Variants in LARP4B observed in about 807,000 individuals in gnomAD.
The protein encoded by LARP4B is la-related protein 4B.
Under a neutral mutation model 89.8 loss-of-function variants are expected in LARP4B, and 12 were observed. That is an observed-to-expected ratio of 0.13 (90% CI 0.09 to 0.22). The LOEUF is 0.22. Ranked by LOEUF, LARP4B falls within the 10% of genes least tolerant of loss-of-function variation. LARP4B has a pLI of 1.00. For missense variants in LARP4B, 757 were observed against 947.7 expected, an observed-to-expected ratio of 0.80 and a Z score of 2.64; for synonymous variants, 367 against 363.3, an observed-to-expected ratio of 1.01 and a Z score of -0.12.
chr10:927,204 G>A (rs1045682735), intron 1 of LARP4B, among the ~76,000 whole-genome samples: 1 of 152,166 alleles, frequency 6.6e-6, no homozygotes, highest in Non-Finnish European at 1.5e-5. Context: ...TAGGAGCCAT[G>A]ACAGCTTCAC....
chr10:914,496 C>CAA (rs540188912), intron 1 of LARP4B, among the ~76,000 whole-genome samples: 8 of 112,308 alleles, frequency 7.1e-5, no homozygotes, highest in African/African-American at 1.7e-4. Context: ...AAGACTCAGC[C>CAA]AAAAAAAAAA....
intron 5 of LARP4B, among the ~76,000 whole-genome samples, chr10:850,744 A>T (rs1022214908): frequency 2.0e-5 from 3 of 152,204 alleles, no homozygotes; most frequent in African/African-American, 7.2e-5. Flanking sequence ...AATATATTTA[A>T]AGAAATTCAA....
chr10:872,320 T>C (rs1316603614), intron 3 of LARP4B, among the ~76,000 whole-genome samples: 1 of 152,108 alleles, frequency 6.6e-6, no homozygotes, highest in Non-Finnish European at 1.5e-5. Flanking sequence ...AAGGCGAGAG[T>C]TCTTCCTGCC....
intron 1 of LARP4B, among the ~76,000 whole-genome samples, chr10:900,556 T>C (rs1836313010): frequency 7.2e-6 from 1 of 138,624 alleles, no homozygotes; most frequent in African/African-American, 2.7e-5. Context: ...CTGCTTCAGC[T>C]CCCCAGGTAG....
the LARP4B span, among the ~76,000 whole-genome samples, chr10:939,749 T>G: frequency 1.3e-5 from 2 of 152,222 alleles, no homozygotes; most frequent in East Asian, 3.9e-4. Context: ...GGATTGGATG[T>G]TTCAGGAAGA....
At chr10:909,017 A>T (rs6560859) in intron 1 of LARP4B, among the ~76,000 whole-genome samples, 3 of 151,936 alleles carry the variant, frequency 2.0e-5, no homozygotes, top group Admixed American at 6.5e-5. Context: ...AGTTGCGGCC[A>T]GGCGCGGTGG....
Position 876,632 on chromosome 10 carries a change from G to A in LARP4B, c.141+7815C>T, listed in dbSNP as rs557298915. Among the ~76,000 whole-genome samples the A allele has an allele frequency of 1.1e-4, 17 of 152,286 alleles. 1 individual carries two copies. The South Asian group carries it at 3.3e-3, about 30-fold the overall frequency. On this transcript the variant is annotated intron_variant, in intron 3 of 17. Transcript: ENST00000316157. ...TCAGTCCACCCAGCAGCTGTCAGGG[G>A]TTGGAGTCTCCTGCCCACAGCTCTC...
intron 1 of LARP4B, among the ~76,000 whole-genome samples, chr10:894,161 C>A (rs1416915611): frequency 6.6e-6 from 1 of 152,168 alleles, no homozygotes; most frequent in Non-Finnish European, 1.5e-5. Context: ...TTGACTGAAG[C>A]TATTTTTCAG....
chr10:933,463 G>A (rs1363638115), upstream of LARP4B, among the ~76,000 whole-genome samples: 5 of 152,168 alleles, frequency 3.3e-5, no homozygotes, highest in Admixed American at 3.3e-4. Flanking sequence ...CATTTTGGAA[G>A]AAAGCCTCTC....
At chr10:980,182 G>T in the LARP4B span, among the ~76,000 whole-genome samples, 4 of 152,196 alleles carry the variant, frequency 2.6e-5, no homozygotes, top group African/African-American at 9.6e-5. Flanking sequence ...AAGGCCTTGG[G>T]CAGCTCTGCC....
intron 1 of LARP4B, among the ~76,000 whole-genome samples, chr10:904,477 CTGGGGGGCGGAGGGT>C (rs1798304312): frequency 1.4e-5 from 2 of 147,056 alleles, no homozygotes; most frequent in South Asian, 4.3e-4. Flanking sequence ...TCACTTGAGC[CTGGGGGGCGGAGGGT>C]TGGGGGGGCA....
intron 5 of LARP4B, among the ~76,000 whole-genome samples, chr10:851,971 C>T (rs76850376): frequency 6.6e-6 from 1 of 152,048 alleles, no homozygotes; most frequent in Non-Finnish European, 1.5e-5. Context: ...GAGGCTAAGG[C>T]GGGAGAATCG....
rs1011504894 is a variant in LARP4B, at chr10:810,074, A to T, written c.*2852T>A. On this transcript the variant is annotated 3_prime_UTR_variant, in exon 18 of 18. Coordinates refer to ENST00000316157, the MANE Select transcript of LARP4B (RefSeq NM_015155.3). The stretch of plus-strand genomic sequence containing the variant: ...TTTATTCTTCTATTTCAAAATGATA[A>T]GCATCATCACACGATTTTACAAGTT... 1.3e-5 allele frequency: 2 copies of T among 152,176 alleles called. No homozygotes were observed. The highest frequency in any genetic ancestry group is 4.8e-5 in the African/African-American group (2 of 41,442). The allele number at this position is 152,176 out of a possible 1,614,324, so 9.4% of individuals were successfully genotyped here.
chr10:947,016 C>G, the LARP4B span, among the ~76,000 whole-genome samples: 2 of 152,056 alleles, frequency 1.3e-5, no homozygotes, highest in Non-Finnish European at 2.9e-5. Flanking sequence ...ATTACAGGTG[C>G]ATGCCACCAC....
At chr10:862,844 C>G (rs1430952894) in intron 5 of LARP4B, among the ~76,000 whole-genome samples, 1 of 152,148 alleles carries the variant, frequency 6.6e-6, no homozygotes, top group Admixed American at 6.5e-5. Context: ...CATCTCCTTT[C>G]CCACCTACTC....
chr10:835,089 A>T (rs1291041986), intron 8 of LARP4B, among the ~76,000 whole-genome samples: 2 of 151,942 alleles, frequency 1.3e-5, no homozygotes, highest in Non-Finnish European at 2.9e-5. Flanking sequence ...TCATATTCAG[A>T]CCCTTAATAA....
the LARP4B span, among the ~76,000 whole-genome samples, chr10:947,463 C>T: frequency 9.2e-5 from 14 of 151,986 alleles, no homozygotes; most frequent in African/African-American, 2.7e-4. Context: ...CCAGAAAGGA[C>T]GAAAGAAGTG....
chr10:900,389 C>G (rs981064500), intron 1 of LARP4B, among the ~76,000 whole-genome samples: 2 of 135,394 alleles, frequency 1.5e-5, no homozygotes, highest in Non-Finnish European at 3.1e-5. Flanking sequence ...AAAGCACAGT[C>G]ATAGCATTCT....
chr10:893,906 T>A lies in LARP4B; in HGVS notation c.-39-8146A>T, dbSNP rs373797849. Among the ~76,000 whole-genome samples the A allele has an allele frequency of 3.9e-4, 59 of 152,288 alleles. 1 individual carries two copies. In the South Asian group the frequency reaches 1.0e-2, roughly 26 times the overall value. ...CTTGGGACTACAGGACACCCACTTA[T>A]TATTCCCAAGATCACTAAAGGACAA... On this transcript the variant is annotated intron_variant, in intron 1 of 17. Transcript: ENST00000316157.
Sources: gnomAD v4.1 joint callset for allele counts (sites outside exome capture counted in the v4.1 genomes callset) on GRCh38, gnomAD v4.1.1 for gene constraint, MANE v1.5 for transcripts, NCBI Gene and HGNC (gene_info 2026-07-23, HGNC 2026-07-21) for gene names.